SMG5: variants seen among roughly 807,000 people sequenced by gnomAD.
The protein encoded by SMG5 is nonsense-mediated mRNA decay factor SMG5.
SMG5 carries 53 observed loss-of-function variants against 122.9 expected under a neutral mutation model. That is an observed-to-expected ratio of 0.43 (90% CI 0.35 to 0.54). SMG5 has a LOEUF of 0.54. Among genes scored for constraint, SMG5 ranks in the 20% least tolerant of loss-of-function variants. SMG5 has a pLI of 0.01. For synonymous variants in SMG5, 477 were observed against 490.2 expected, an observed-to-expected ratio of 0.97 and a Z score of 0.35; for missense variants, 1,153 against 1,285.6, an observed-to-expected ratio of 0.90 and a Z score of 1.58.
the SMG5 span, among the ~76,000 whole-genome samples, chr1:156,289,640 A>G: frequency 7.7e-4 from 117 of 152,192 alleles, no homozygotes; most frequent in African/African-American, 2.6e-3. Flanking sequence ...CAAAAAAACA[A>G]TCTGGTACTT....
chr1:156,261,278 T>G (rs375591497), intron 14 of SMG5, 55 bp downstream of exon 14: 1 of 1,546,744 alleles, frequency 6.5e-7, no homozygotes, highest in East Asian at 2.2e-5. Context: ...GAGATGGGCT[T>G]AGTGGGGACA....
Position 156,263,562 on chromosome 1 carries a change from C to T in SMG5, c.1864G>A (p.Glu622Lys), listed in dbSNP as rs1227637340. 1 of 1,613,028 alleles carries T rather than the reference C, an allele frequency of 6.2e-7. No individual in the cohort carries two copies. Among genetic ancestry groups the T allele is most frequent in the Non-Finnish European group, 8.5e-7 (1 of 1,179,376 alleles). ...VDKPSEPASEEGSESEGSESS... is the reference protein window; with the variant it reads ...VDKPSEPASEKGSESEGSESS... ...TCACTCCCCTCCGACTCAGAGCCCTCCTCAGAGGCTGGGGGGTGGGTGAAT... is the reference window on the plus strand; with the variant it reads ...TCACTCCCCTCCGACTCAGAGCCCTTCTCAGAGGCTGGGGGGTGGGTGAAT... Residue 622 changes from glutamate to lysine, a missense_variant, in exon 13 of 22, where the codon GAG becomes AAG. Coordinates refer to ENST00000361813, the MANE Select transcript of SMG5 (RefSeq NM_015327.3).
At chr1:156,288,385 GAGTGC>G in the SMG5 span, among the ~76,000 whole-genome samples, 7 of 150,658 alleles carry the variant, frequency 4.6e-5, no homozygotes, top group South Asian at 1.5e-3. Flanking sequence ...ACCCAGGCTG[GAGTGC>G]AGTGGCGCAA....
intron 16 of SMG5, among the ~76,000 whole-genome samples, chr1:156,256,867 C>A (rs1054041196): frequency 5.3e-5 from 8 of 151,990 alleles, no homozygotes; most frequent in African/African-American, 1.9e-4. Context: ...GCTCTACCAC[C>A]GACTATACTT....
chr1:156,262,879 T>G (rs1661919921), intron 13 of SMG5, among the ~76,000 whole-genome samples: 1 of 152,280 alleles, frequency 6.6e-6, no homozygotes, highest in South Asian at 2.1e-4. Context: ...AGGCTGACAC[T>G]CTGAACCTGA....
At chr1:156,287,864 C>T in the SMG5 span, among the ~76,000 whole-genome samples, 4 of 151,922 alleles carry the variant, frequency 2.6e-5, no homozygotes, top group African/African-American at 7.2e-5. Flanking sequence ...GTGATCTGCC[C>T]GCCTCAGCCT....
upstream of SMG5, chr1:156,284,267 C>T (rs1267939682): frequency 1.3e-5 from 2 of 152,214 alleles, no homozygotes; most frequent in African/African-American, 2.4e-5. Flanking sequence ...GCCCCACCTG[C>T]TCTGGTCAGA....
Position 156,250,772 on chromosome 1 carries a change from T to C in SMG5, c.2967+86A>G. ...AGGAGTGATGGAAGAGAAAAAAAGGTAGCTATGTGGAGGGTCTGGGGATGG... is the reference window on the plus strand; with the variant it reads ...AGGAGTGATGGAAGAGAAAAAAAGGCAGCTATGTGGAGGGTCTGGGGATGG... On this transcript the variant is annotated intron_variant, in intron 21 of 21. Transcript: ENST00000361813. The C allele has an allele frequency of 1.9e-6, 3 of 1,603,426 alleles. No individual in the cohort carries two copies. The South Asian group carries it at 3.3e-5, about 18-fold the overall frequency.
At chr1:156,285,777 G>C (rs757635449), upstream of SMG5, 1 of 1,613,538 alleles carries the variant, frequency 6.2e-7, no homozygotes, top group Non-Finnish European at 8.5e-7. Context: ...CCGCCTGGCT[G>C]TTCCTGTGGG....
chr1:156,277,356 C>T, intron 3 of SMG5, 115 bp from the exon 4 acceptor site: 1 of 1,182,980 alleles, frequency 8.5e-7, no homozygotes, highest in South Asian at 1.6e-5. Context: ...TCTACTCTCA[C>T]TCACAAGTTA....
At chr1:156,273,338 G>A in intron 6 of SMG5, 23 bp downstream of exon 6, 9 of 1,604,316 alleles carry the variant, frequency 5.6e-6, no homozygotes, top group Non-Finnish European at 6.8e-6. Flanking sequence ...TGGATTCAGA[G>A]GCCCAAGTTG....
the SMG5 span, among the ~76,000 whole-genome samples, chr1:156,289,347 G>A: frequency 7.3e-5 from 11 of 150,394 alleles, no homozygotes; most frequent in Non-Finnish European, 1.0e-4. Flanking sequence ...GGTGATGGGC[G>A]CCTGTAATCC....
intron 4 of SMG5, among the ~76,000 whole-genome samples, chr1:156,275,620 A>G (rs1277266879): frequency 6.6e-6 from 1 of 152,202 alleles, no homozygotes; most frequent in East Asian, 1.9e-4. Flanking sequence ...TCCATTTGGA[A>G]AAGCCAGTCC....
upstream of SMG5, among the ~76,000 whole-genome samples, chr1:156,286,833 T>C (rs151151956): frequency 5.6e-4 from 86 of 152,296 alleles, no homozygotes; most frequent in African/African-American, 1.4e-3. Flanking sequence ...TTTTTCAAAA[T>C]AGAGACAAGG....
intron 7 of SMG5, among the ~76,000 whole-genome samples, chr1:156,271,039 G>C (rs979529032): frequency 6.6e-6 from 1 of 151,512 alleles, no homozygotes; most frequent in Non-Finnish European, 1.5e-5. Flanking sequence ...AAATGCGAAA[G>C]ATACACCAGG....
chr1:156,277,038 T>C (rs765817162), intron 4 of SMG5, 47 bp downstream of exon 4: 3 of 1,590,958 alleles, frequency 1.9e-6, no homozygotes, highest in Admixed American at 1.7e-5. Context: ...AGGCCAGAGG[T>C]AGAAGCATGA....
chr1:156,285,658 C>T (rs755292062), upstream of SMG5: 1 of 1,613,970 alleles, frequency 6.2e-7, no homozygotes, highest in Non-Finnish European at 8.5e-7. Flanking sequence ...CCCAAGAAGA[C>T]CTTATCGTGC....
chr1:156,285,219 G>A, upstream of SMG5: 3 of 1,524,360 alleles, frequency 2.0e-6, no homozygotes, highest in Non-Finnish European at 2.6e-6. Flanking sequence ...CAGAACTGAG[G>A]CCCCAGGATG....
chr1:156,282,632 C>G lies in SMG5; in HGVS notation c.49G>C (p.Val17Leu). The G allele has an allele frequency of 1.2e-6, 2 of 1,609,024 alleles. No homozygotes were observed. Among genetic ancestry groups the G allele is most frequent in the East Asian group, 2.2e-5 (1 of 44,858 alleles). Residue 17 changes from valine (V) to leucine (L), a missense_variant, in exon 1 of 22, where the codon GTC becomes CTC. Physicochemically the swap from Val to Leu is conservative, Grantham distance 32. Around this residue, in one of 5 missense-constraint regions of SMG5, gnomAD observed 213 missense variants for 197.5 expected, o/e 1.08. Transcript: ENST00000361813. ...CGGTAAAGCCGCTTAGTGTGGAGGA[C>G]TTTTGCTTCGGGCTCGCTGCTCTCC... ...TGESSEPEAK[V>L]LHTKRLYRAV... is the part of the protein sequence containing the mutation.
Sources: gnomAD v4.1 joint callset for allele counts (sites outside exome capture counted in the v4.1 genomes callset) on GRCh38, gnomAD v4.1.1 for gene constraint, gnomAD v4.1.1 regional missense constraint, MANE v1.5 for transcripts, NCBI Gene and HGNC (gene_info 2026-07-23, HGNC 2026-07-21) for gene names.